CCDC7: variants seen among roughly 807,000 people sequenced by gnomAD.
CCDC7 encodes coiled-coil domain containing 7.
Under a neutral mutation model 196.9 loss-of-function variants are expected in CCDC7, and 183 were observed. The observed-to-expected ratio is 0.93, with a 90% CI of 0.82 to 1.05. The LOEUF (loss-of-function observed/expected upper bound fraction) is 1.05, where lower values mean the gene tolerates loss of function less well. Ranked by LOEUF, CCDC7 falls within the 50% of genes least tolerant of loss-of-function variation. CCDC7 has a pLI of 0.00. For missense variants in CCDC7, 1,540 were observed against 1,482.2 expected, an observed-to-expected ratio of 1.04 and a Z score of -0.64; for synonymous variants, 525 against 484.6, an observed-to-expected ratio of 1.08 and a Z score of -1.10.
intron 41 of CCDC7, among the ~76,000 whole-genome samples, chr10:32,872,361 C>T (rs957130219): frequency 1.3e-5 from 2 of 151,708 alleles, no homozygotes; most frequent in Non-Finnish European, 2.9e-5. Context: ...GGATTGCAAC[C>T]CCTGCCTTTT....
At chr10:32,542,479 A>G (rs2051621396) in intron 11 of CCDC7, among the ~76,000 whole-genome samples, 1 of 151,940 alleles carries the variant, frequency 6.6e-6, no homozygotes, top group South Asian at 2.1e-4. Flanking sequence ...CTAAAAATAC[A>G]AAAATTAGCC....
intron 9 of CCDC7, chr10:32,514,044 C>T (rs1589398900): frequency 1.3e-5 from 2 of 152,174 alleles, no homozygotes; most frequent in East Asian, 1.9e-4. Context: ...AGTAAAACTA[C>T]CTCTATTTGC....
At chr10:32,846,280 A>G in intron 36 of CCDC7, 96 bp from the exon 38 acceptor site, 1 of 729,074 alleles carries the variant, frequency 1.4e-6, no homozygotes, top group East Asian at 2.6e-5. Context: ...GAAATTCTTC[A>G]TGAATATCCT....
At chr10:32,703,430 T>G (rs192531744) in intron 24 of CCDC7, among the ~76,000 whole-genome samples, 2,276 of 152,126 alleles carry the variant, frequency 0.015, 48 homozygotes, top group African/African-American at 0.052. Context: ...CGACATTTCT[T>G]TCTGGCTGCC....
At position 32,571,901 on chromosome 10, in the gene CCDC7, A is replaced by G; in HGVS notation, c.1454+8A>G. ...AAGACTGATTGAAAAGAGGTAAAACACTTTTTAAAAATTTGTTCCCTCATT... is the reference window on the plus strand; with the variant it reads ...AAGACTGATTGAAAAGAGGTAAAACGCTTTTTAAAAATTTGTTCCCTCATT... On this transcript the variant is annotated splice_region_variant and intron_variant, in intron 16 of 41. Transcript: ENST00000639629. 6.4e-7 allele frequency: 1 copy of G among 1,566,284 alleles called. No homozygotes were observed. Among genetic ancestry groups the G allele is most frequent in the Non-Finnish European group, 8.6e-7 (1 of 1,159,462 alleles).
chr10:32,565,669 T>C (rs1273630200), intron 14 of CCDC7, 49 bp downstream of exon 15: 8 of 1,571,270 alleles, frequency 5.1e-6, no homozygotes, highest in South Asian at 1.2e-5. Context: ...AAAGAAAATA[T>C]CCACAAAGAA....
intron 41 of CCDC7, among the ~76,000 whole-genome samples, chr10:32,871,181 G>C (rs895611163): frequency 1.8e-4 from 27 of 152,190 alleles, no homozygotes; most frequent in African/African-American, 6.5e-4. Flanking sequence ...AATGGTACCA[G>C]TTCCTCCTTG....
At position 32,565,465 on chromosome 10, in the gene CCDC7, G is replaced by T. The variant is rs966224946; in HGVS notation, c.1135-93G>T. ...TGTCTATGCTCAATTCTTATCTTGG[G>T]TATCTATGGGTTTTGGAAAAGTAAT... is the stretch of plus-strand genomic sequence containing the variant. On this transcript the variant is annotated intron_variant, in intron 13 of 41. Coordinates refer to ENST00000639629, the Ensembl canonical transcript of CCDC7. 2.9e-5 allele frequency: 37 copies of T among 1,270,802 alleles called. No homozygotes were observed. The African/African-American group carries it at 5.4e-4, about 19-fold the overall frequency. The allele number at this position is 1,270,802 out of a possible 1,614,324, so 78.7% of individuals were successfully genotyped here. A position where few individuals can be genotyped will look rare whatever the true frequency, so the allele number is the denominator to read the frequency against.
At chr10:32,823,530 T>C (rs2135673755) in intron 31 of CCDC7, among the ~76,000 whole-genome samples, 2 of 152,264 alleles carry the variant, frequency 1.3e-5, no homozygotes, top group Admixed American at 1.3e-4. Context: ...ATGATAATAG[T>C]GCAAATTTTA....
At chr10:32,688,722 A>G (rs966913183) in intron 22 of CCDC7, among the ~76,000 whole-genome samples, 1 of 152,200 alleles carries the variant, frequency 6.6e-6, no homozygotes, top group Non-Finnish European at 1.5e-5. Context: ...AGTATTTGCA[A>G]TTATGCTGTA....
At chr10:32,672,009 G>C (rs752188589) in intron 21 of CCDC7, among the ~76,000 whole-genome samples, 8 of 152,088 alleles carry the variant, frequency 5.3e-5, no homozygotes, top group African/African-American at 1.7e-4. Context: ...TCTTGGTTCC[G>C]GGTCTGACTT....
At chr10:32,468,648 A>G (rs1388735375) in intron 5 of CCDC7, among the ~76,000 whole-genome samples, 1 of 152,150 alleles carries the variant, frequency 6.6e-6, no homozygotes, top group Non-Finnish European at 1.5e-5. Flanking sequence ...AGGGCACCTC[A>G]AGGAATGTTT....
At chr10:32,825,769 A>G (rs1217871170) in intron 32 of CCDC7, among the ~76,000 whole-genome samples, 2 of 152,188 alleles carry the variant, frequency 1.3e-5, no homozygotes, top group Non-Finnish European at 1.5e-5. Flanking sequence ...GGAAAAACAT[A>G]CACAAGCTCT....
intron 31 of CCDC7, 106 bp downstream of exon 32, chr10:32,814,559 A>G (rs2087954434): frequency 1.4e-6 from 1 of 734,870 alleles, no homozygotes; most frequent in Non-Finnish European, 2.3e-6. Flanking sequence ...GAATTATTAC[A>G]TAGGCAAAAG....
At chr10:32,874,631 G>A (rs1264454517) in intron 41 of CCDC7, among the ~76,000 whole-genome samples, 1 of 151,116 alleles carries the variant, frequency 6.6e-6, no homozygotes. Context: ...TTTTATGGCT[G>A]AGTAGTATTC....
intron 8 of CCDC7, among the ~76,000 whole-genome samples, 200 bp downstream of exon 9, chr10:32,474,223 T>C (rs1344546156): frequency 3.9e-5 from 5 of 126,638 alleles, no homozygotes; most frequent in African/African-American, 1.5e-4. Flanking sequence ...TTTTTTTTTT[T>C]TTTTTTTTTT....
chr10:32,512,091 C>A (rs1192799102), intron 9 of CCDC7: 1 of 193,390 alleles, frequency 5.2e-6, no homozygotes, highest in East Asian at 1.3e-4. Flanking sequence ...AGGCATAGAT[C>A]TAGAGGGCCT....
intron 20 of CCDC7, among the ~76,000 whole-genome samples, chr10:32,659,513 A>G (rs1451440912): frequency 6.6e-6 from 1 of 152,218 alleles, no homozygotes; most frequent in East Asian, 1.9e-4. Context: ...CAATAAAGCA[A>G]ATATCACAAT....
intron 30 of CCDC7, among the ~76,000 whole-genome samples, chr10:32,812,377 A>G (rs1234546568): frequency 6.6e-6 from 1 of 152,118 alleles, no homozygotes; most frequent in Admixed American, 6.5e-5. Context: ...GCATAAAATT[A>G]TATAAAGAAA....
Sources: gnomAD v4.1 joint callset for allele counts (sites outside exome capture counted in the v4.1 genomes callset) on GRCh38, gnomAD v4.1.1 for gene constraint, MANE v1.5 for transcripts, NCBI Gene and HGNC (gene_info 2026-07-23, HGNC 2026-07-21) for gene names.